Variants in GNA12 observed in about 807,000 individuals in gnomAD.
The protein encoded by GNA12 is guanine nucleotide-binding protein subunit alpha-12.
Under a neutral mutation model 26.0 loss-of-function variants are expected in GNA12, and 9 were observed. That is an observed-to-expected ratio of 0.35 (90% CI 0.21 to 0.60). GNA12 has a LOEUF of 0.60. Ranked by LOEUF, GNA12 falls within the 20% of genes least tolerant of loss-of-function variation. GNA12 has a pLI of 0.78. For missense variants in GNA12, 405 were observed against 525.8 expected (o/e 0.77, Z 2.25); for synonymous variants, 264 against 219.6 (o/e 1.20, Z -1.79).
chr7:2,770,355 G>C (rs1377459234), intron 2 of GNA12, among the ~76,000 whole-genome samples: 2 of 152,276 alleles, frequency 1.3e-5, no homozygotes, highest in Non-Finnish European at 1.5e-5. Context: ...CTCAAATTGA[G>C]GCTCAATAGC....
chr7:2,814,573 A>G (rs915325228), intron 1 of GNA12, among the ~76,000 whole-genome samples: 1 of 151,522 alleles, frequency 6.6e-6, no homozygotes, highest in African/African-American at 2.4e-5. Flanking sequence ...GTGCGGCCTT[A>G]CTGGACCATC....
intron 1 of GNA12, among the ~76,000 whole-genome samples, chr7:2,836,260 C>G (rs1037037962): frequency 2.0e-5 from 3 of 152,196 alleles, no homozygotes; most frequent in African/African-American, 7.2e-5. Context: ...GCCCCAGACA[C>G]TGAGTAAAAA....
chr7:2,814,792 C>G (rs1793175878), intron 1 of GNA12: 1 of 1,308,540 alleles, frequency 7.6e-7, no homozygotes, highest in Non-Finnish European at 1.1e-6. Flanking sequence ...GGTTCCCTGA[C>G]CTGCCCCGCA....
At chr7:2,769,942 TG>T (rs1791906683) in intron 2 of GNA12, among the ~76,000 whole-genome samples, 1 of 152,238 alleles carries the variant, frequency 6.6e-6, no homozygotes. Context: ...TAAGTGTTTT[TG>T]TTTTTTTAAA....
At chr7:2,791,041 T>C (rs1395759885) in intron 2 of GNA12, among the ~76,000 whole-genome samples, 1 of 152,076 alleles carries the variant, frequency 6.6e-6, no homozygotes, top group African/African-American at 2.4e-5. Context: ...TCCACATTTG[T>C]AGTATGTAGG....
At position 2,840,960 on chromosome 7, in the gene GNA12, T is replaced by C. The variant is rs151160043; in HGVS notation, c.309+2893A>G. Among the ~76,000 whole-genome samples the C allele has an allele frequency of 7.0e-3, 1,069 of 152,368 alleles. 12 individuals are homozygous for C. The highest frequency in any genetic ancestry group is 9.4e-3 in the Non-Finnish European group (642 of 68,026). On this transcript the variant is annotated intron_variant, in intron 1 of 3. Transcript: ENST00000275364. Reference sequence around the variant, plus strand: ...GGAGGAAACGATTTTTGGTTTTAAATTGAAAGATGAATTTCTAACTTGTTA... The same window carrying C: ...GGAGGAAACGATTTTTGGTTTTAAACTGAAAGATGAATTTCTAACTTGTTA...
chr7:2,789,582 C>G (rs2115449042), intron 2 of GNA12, among the ~76,000 whole-genome samples: 2 of 152,356 alleles, frequency 1.3e-5, no homozygotes, highest in Non-Finnish European at 2.9e-5. Context: ...GCAGAGAACG[C>G]TGTGACCTCT....
chr7:2,807,025 C>G (rs1486374973), intron 1 of GNA12, among the ~76,000 whole-genome samples: 2 of 152,142 alleles, frequency 1.3e-5, no homozygotes, highest in African/African-American at 2.4e-5. Context: ...TGTTTAATAA[C>G]TTTTAATTTT....
chr7:2,768,678 A>G (rs1050909319), intron 2 of GNA12, among the ~76,000 whole-genome samples: 2 of 80,760 alleles, frequency 2.5e-5, no homozygotes, highest in African/African-American at 3.5e-5. Flanking sequence ...AAAAAAAAAC[A>G]AAACAAAACA....
chr7:2,763,294 G>T (rs368620986), intron 2 of GNA12: 3 of 198,984 alleles, frequency 1.5e-5, no homozygotes, highest in Admixed American at 6.4e-5. Flanking sequence ...GTGCTGTGAG[G>T]CTGAGACACA....
intron 2 of GNA12, among the ~76,000 whole-genome samples, chr7:2,735,097 G>A (rs578087140): frequency 1.1e-3 from 147 of 130,838 alleles, no homozygotes; most frequent in Admixed American, 3.1e-3. Context: ...GCTGGGAGAA[G>A]CCGTTGGGTG....
intron 2 of GNA12, among the ~76,000 whole-genome samples, chr7:2,778,503 G>C (rs763978787): frequency 6.6e-5 from 10 of 152,194 alleles, no homozygotes; most frequent in Non-Finnish European, 1.0e-4. Flanking sequence ...ACATAGAGCT[G>C]GAGGCTAAAT....
intron 1 of GNA12, among the ~76,000 whole-genome samples, chr7:2,832,282 G>A (rs886228073): frequency 5.9e-5 from 9 of 152,268 alleles, no homozygotes; most frequent in African/African-American, 2.2e-4. Context: ...AGTGAACTAG[G>A]AATCAGCTCC....
intron 1 of GNA12, among the ~76,000 whole-genome samples, chr7:2,816,541 A>AT (rs1167673780): frequency 6.6e-6 from 1 of 152,202 alleles, no homozygotes; most frequent in Non-Finnish European, 1.5e-5. Context: ...TAGCAAATCC[A>AT]TTTTTTAAAT....
intron 1 of GNA12, chr7:2,814,526 C>G (rs746266482): frequency 1.5e-6 from 1 of 684,004 alleles, no homozygotes; most frequent in Non-Finnish European, 2.6e-6. Flanking sequence ...GAAATTTCTT[C>G]TGCACCCATG....
chr7:2,786,815 C>A (rs1220377482), intron 2 of GNA12, among the ~76,000 whole-genome samples: 2 of 152,188 alleles, frequency 1.3e-5, no homozygotes, highest in African/African-American at 4.8e-5. Flanking sequence ...GATGGCGACT[C>A]TGGGCATCCC....
intron 1 of GNA12, among the ~76,000 whole-genome samples, chr7:2,815,669 A>G (rs2533881): frequency 6.6e-6 from 1 of 152,062 alleles, no homozygotes; most frequent in African/African-American, 2.4e-5. Context: ...GCCCACAAGT[A>G]CCCCTCCGCC....
chr7:2,759,771 G>C lies in GNA12; in HGVS notation c.526-26270C>G, dbSNP rs79690498. Among the ~76,000 whole-genome samples, 576 of 152,302 alleles carry C rather than the reference G, an allele frequency of 3.8e-3. 2 individuals carry two copies. Among genetic ancestry groups the C allele is most frequent in the Non-Finnish European group, 6.5e-3 (445 of 68,024 alleles). On this transcript the variant is annotated intron_variant, in intron 2 of 3. Coordinates refer to ENST00000275364, the MANE Select transcript of GNA12 (RefSeq NM_007353.3). ...CAAAAGAGAAAAAACACAGACTGAA[G>C]GCCATGAAAAAAACTGTCCTTAGGG... is the stretch of plus-strand genomic sequence containing the variant.
intron 2 of GNA12, among the ~76,000 whole-genome samples, chr7:2,738,325 T>C (rs1455915533): frequency 6.6e-6 from 1 of 150,974 alleles, no homozygotes; most frequent in African/African-American, 2.4e-5. Context: ...CTGGCAGAAA[T>C]ACAAAGTGAC....
Sources: gnomAD v4.1 joint callset for allele counts (sites outside exome capture counted in the v4.1 genomes callset) on GRCh38, gnomAD v4.1.1 for gene constraint, MANE v1.5 for transcripts, NCBI Gene and HGNC (gene_info 2026-07-23, HGNC 2026-07-21) for gene names.